SLC36A4: variants seen among roughly 807,000 people sequenced by gnomAD.
SLC36A4 encodes neutral amino acid uniporter 4.
SLC36A4 carries 49 observed loss-of-function variants against 50.5 expected under a neutral mutation model. The observed-to-expected ratio is 0.97, with a 90% CI of 0.77 to 1.23. SLC36A4 has a LOEUF of 1.23. Ranked by LOEUF, SLC36A4 falls within the 50% of genes most tolerant of loss-of-function variation. SLC36A4 has a pLI of 0.00. For synonymous variants in SLC36A4, 207 were observed against 206.5 expected, an observed-to-expected ratio of 1.00 and a Z score of -0.02; for missense variants, 611 against 608.4, an observed-to-expected ratio of 1.00 and a Z score of -0.05.
chr11:93,171,807 C>A (rs758824750), intron 6 of SLC36A4: 4 of 151,970 alleles, frequency 2.6e-5, no homozygotes, highest in African/African-American at 9.7e-5. Flanking sequence ...TAGGAATATG[C>A]AATTTGTAGA....
Position 93,183,377 on chromosome 11 carries a change from T to C in SLC36A4, c.271-483A>G, listed in dbSNP as rs188516844. ...TTATTTCAAAAAGTAGTAAATAAAA[T>C]ACTTTAAATATTTATTTACTAAAAT... On this transcript the variant is annotated intron_variant, in intron 3 of 10. Transcript: ENST00000326402. 2.8e-4 allele frequency among the ~76,000 whole-genome samples: 42 copies of C among 152,318 alleles called. No individual in the cohort carries two copies. In the East Asian group the frequency reaches 7.7e-3, roughly 28 times the overall value.
intron 6 of SLC36A4, among the ~76,000 whole-genome samples, chr11:93,169,000 C>A (rs1041739959): frequency 1.3e-5 from 2 of 152,002 alleles, no homozygotes; most frequent in African/African-American, 4.8e-5. Context: ...AAATTTATAG[C>A]AGATGCAGAT....
rs772840364 is a variant in SLC36A4, at chr11:93,162,716, G to C, written c.1027C>G (p.Gln343Glu). 37 of 1,608,034 alleles carry C rather than the reference G, an allele frequency of 2.3e-5. No homozygotes were observed. The Admixed American group carries it at 3.2e-4, about 14-fold the overall frequency. Reference sequence around the variant, plus strand: ...TTCATATACACCTACCATACATCTTGGGGAAGATTTAAAGTTATGCTGCCT... The same window carrying C: ...TTCATATACACCTACCATACATCTTCGGGAAGATTTAAAGTTATGCTGCCT... ...IKGSITLNLP[Q>E]DVWLYQSVKI... is the part of the protein sequence containing the mutation. The change falls in exon 9 of 11, where the codon CAA becomes GAA. Residue 343 changes from glutamine (Q) to glutamate (E), a missense_variant. By Grantham distance (29) the Gln-to-Glu change is conservative. Coordinates refer to ENST00000326402, the MANE Select transcript of SLC36A4 (RefSeq NM_152313.4).
rs1862507227 is a variant in SLC36A4, at chr11:93,197,915, C to G, written c.-83G>C. Reference sequence around the variant, plus strand: ...GCCGGCGTCAGGCCCAGGCCTACCTCCCCTGCCCGGAGGGACCCGCGCCTG... The same window carrying G: ...GCCGGCGTCAGGCCCAGGCCTACCTGCCCTGCCCGGAGGGACCCGCGCCTG... On this transcript the variant is annotated 5_prime_UTR_variant, in exon 1 of 11. Coordinates refer to ENST00000326402, the MANE Select transcript of SLC36A4 (RefSeq NM_152313.4). The G allele has an allele frequency of 2.2e-6, 3 of 1,366,790 alleles. No homozygotes were observed. The highest frequency in any genetic ancestry group is 2.9e-6 in the Non-Finnish European group (3 of 1,047,988). The allele number at this position is 1,366,790 out of a possible 1,614,324, so 84.7% of individuals were successfully genotyped here.
At chr11:93,177,209 C>A (rs1861519189) in intron 6 of SLC36A4, among the ~76,000 whole-genome samples, 1 of 152,124 alleles carries the variant, frequency 6.6e-6, no homozygotes, top group South Asian at 2.1e-4. Context: ...GATCTTCAAT[C>A]ACTGATACCC....
Position 93,146,798 on chromosome 11 carries a change from A to G in SLC36A4, c.*1739T>C, listed in dbSNP as rs899279866. The G allele has an allele frequency of 4.6e-5, 7 of 152,086 alleles. No homozygotes were observed. Among genetic ancestry groups the G allele is most frequent in the African/African-American group, 1.7e-4 (7 of 41,436 alleles). 9.4% of individuals were successfully genotyped at this position (152,086 alleles called of 1,614,324 possible). ...GTCAGAAGACAATTCTATTCTTAAT[A>G]ATTTTCATTTTCCCCACTAACTGAG... On this transcript the variant is annotated 3_prime_UTR_variant, in exon 11 of 11. Transcript: ENST00000326402.
Position 93,190,391 on chromosome 11 carries a change from C to CA in SLC36A4, c.56-4578dup, listed in dbSNP as rs901337848. ...GGATTTGAAATGTTCCCAACACACA[C>CA]AAAAAAAGGATAAATATTTGAGATA... On this transcript the variant is annotated intron_variant, in intron 1 of 10. Coordinates refer to ENST00000326402, the MANE Select transcript of SLC36A4 (RefSeq NM_152313.4). 5.3e-5 allele frequency among the ~76,000 whole-genome samples: 8 copies of CA among 151,908 alleles called. No homozygotes were observed. In the East Asian group the frequency reaches 1.2e-3, roughly 22 times the overall value.
At position 93,145,716 on chromosome 11, in the gene SLC36A4, T is replaced by G. The variant is rs1859833726; in HGVS notation, c.*2821A>C. On this transcript the variant is annotated 3_prime_UTR_variant, in exon 11 of 11. Coordinates refer to ENST00000326402, the MANE Select transcript of SLC36A4 (RefSeq NM_152313.4). The stretch of plus-strand genomic sequence containing the variant: ...GTGGCCAACAAAATGCTGAAGTCAT[T>G]TTAGTCACAGTGTGATGATCCAAAA... 1 of 152,096 alleles carries G rather than the reference T, an allele frequency of 6.6e-6. No individual in the cohort carries two copies. Among genetic ancestry groups the G allele is most frequent in the Non-Finnish European group, 1.5e-5 (1 of 68,004 alleles). The allele number at this position is 152,096 out of a possible 1,614,324, so 9.4% of individuals were successfully genotyped here.
At chr11:93,180,634 A>G (rs902801516) in intron 6 of SLC36A4, among the ~76,000 whole-genome samples, 163 bp downstream of exon 6, 2 of 152,090 alleles carry the variant, frequency 1.3e-5, no homozygotes, top group African/African-American at 4.8e-5. Flanking sequence ...TACAGCAGAA[A>G]TCCAACTTGC....
At chr11:93,162,233 G>C (rs1158347) in intron 9 of SLC36A4, among the ~76,000 whole-genome samples, 36,193 of 151,928 alleles carry the variant, frequency 0.24, 5,228 homozygotes, top group East Asian at 0.32. Context: ...AATCCCACAA[G>C]AACCCTAAGT....
At chr11:93,151,527 A>G (rs1166058740) in intron 10 of SLC36A4, among the ~76,000 whole-genome samples, 1 of 152,072 alleles carries the variant, frequency 6.6e-6, no homozygotes, top group Non-Finnish European at 1.5e-5. Flanking sequence ...AATTATACAA[A>G]TAGTTAATGG....
chr11:93,156,946 G>A (rs1860392661), intron 9 of SLC36A4, among the ~76,000 whole-genome samples: 1 of 151,836 alleles, frequency 6.6e-6, no homozygotes, highest in African/African-American at 2.4e-5. Flanking sequence ...GTCCAGAATG[G>A]TATTTTCTTC....
chr11:93,151,219 G>A (rs1389354179), intron 10 of SLC36A4, among the ~76,000 whole-genome samples: 3 of 151,888 alleles, frequency 2.0e-5, no homozygotes, highest in Non-Finnish European at 4.4e-5. Context: ...TCAAAGCAGA[G>A]TTTAAAATAA....
intron 7 of SLC36A4, chr11:93,166,392 T>C: frequency 1.0e-6 from 1 of 993,552 alleles, no homozygotes. Flanking sequence ...CTGCTGCTGG[T>C]GCCTAGCAGA....
intron 9 of SLC36A4, among the ~76,000 whole-genome samples, chr11:93,158,716 T>C (rs1860477402): frequency 6.6e-6 from 1 of 152,184 alleles, no homozygotes; most frequent in African/African-American, 2.4e-5. Context: ...ACAACTTTTG[T>C]ATAGCTATTA....
At chr11:93,151,159 A>T (rs1229736292) in intron 10 of SLC36A4, among the ~76,000 whole-genome samples, 6 of 152,048 alleles carry the variant, frequency 3.9e-5, no homozygotes, top group Admixed American at 3.3e-4. Context: ...GTAGACAAAG[A>T]AGACAAGTAT....
rs1860961040 is a variant in SLC36A4 at position 93,168,022 on chromosome 11, C to A, written c.690G>T (p.Lys230Asn). Residue 230 changes from lysine (K) to asparagine (N), a missense_variant, in exon 7 of 11, where the codon AAG (lysine) becomes AAT (asparagine). Physicochemically the swap from Lys to Asn is moderately conservative, Grantham distance 94. Transcript: ENST00000326402. ...IILLVFIREL[K>N]NLFVLSFLAN... The stretch of plus-strand genomic sequence containing the variant: ...CAAGGAATGAAAGTACAAATAGATT[C>A]TTTAGTTCACGAATGAAGACCAAAA... 2.5e-6 allele frequency: 4 copies of A among 1,612,576 alleles called. No individual in the cohort carries two copies. Among genetic ancestry groups the A allele is most frequent in the Non-Finnish European group, 3.4e-6 (4 of 1,179,140 alleles).
At chr11:93,169,059 G>A (rs1312222512) in intron 6 of SLC36A4, among the ~76,000 whole-genome samples, 1 of 151,976 alleles carries the variant, frequency 6.6e-6, no homozygotes, top group Non-Finnish European at 1.5e-5. Flanking sequence ...CCAAAACAGT[G>A]TACCCTCCTT....
At chr11:93,179,995 CTACACACAGGTTCTTTAGAAAACA>C (rs1741858944) in intron 6 of SLC36A4, 1 of 668,330 alleles carries the variant, frequency 1.5e-6, no homozygotes, top group Admixed American at 6.3e-5. Flanking sequence ...GCACAAGAAC[CTACACACAGGTTCTTTAGAAAACA>C]TACACACTCC....
Sources: allele counts gnomAD v4.1 joint callset (sites outside exome capture counted in the v4.1 genomes callset), GRCh38; gene constraint gnomAD v4.1.1; transcripts MANE v1.5; gene names NCBI Gene and HGNC (gene_info 2026-07-23, HGNC 2026-07-21).